Variants in ARMCX4 observed in about 807,000 individuals in gnomAD.
ARMCX4 encodes the protein armadillo repeat containing X-linked 4.
Under a neutral mutation model 34.7 loss-of-function variants are expected in ARMCX4, and 3 were observed. The observed-to-expected ratio is 0.09, with a 90% CI of 0.04 to 0.22. ARMCX4 has a LOEUF of 0.22. ARMCX4 is among the 10% of genes least tolerant of loss of function. The probability of loss-of-function intolerance (pLI) is 1.00; values close to 1 mark genes in which losing one functional copy is unlikely to be tolerated. For synonymous variants in ARMCX4, 513 were observed against 632.8 expected (o/e 0.81, Z 2.84); for missense variants, 1,448 against 1,720.8 (o/e 0.84, Z 2.81).
Position 101,489,240 on chromosome X carries a change from G to A in ARMCX4, c.651G>A (p.Arg217=), listed in dbSNP as rs201467260. ...VTQSETLAVP[R]EVAKMGATNK... ...AGAGTGAGACCTTGGCAGTACCCAGGGAAGTGGCCAAGATGGGGGCCACGA... is the reference window on the plus strand; with the variant it reads ...AGAGTGAGACCTTGGCAGTACCCAGAGAAGTGGCCAAGATGGGGGCCACGA... Residue 217 remains arginine (R), a synonymous_variant, in exon 6 of 6, where the codon AGG becomes AGA. Coordinates refer to ENST00000423738, the MANE Select transcript of ARMCX4 (RefSeq NM_001256155.3). The A allele has an allele frequency of 6.4e-4, 738 of 1,153,859 alleles. 1 individual carries two copies. The highest frequency in any genetic ancestry group is 8.1e-4 in the Non-Finnish European group (705 of 872,258).
chrX:101,494,194 G>A lies in ARMCX4; in HGVS notation c.5605G>A (p.Glu1869Lys), dbSNP rs1556011108. The change falls in exon 6 of 6, where the codon GAA (glutamate) becomes AAA (lysine). Residue 1869 changes from glutamate (E) to lysine (K), a missense_variant. Physicochemically the swap from Glu to Lys is moderately conservative, Grantham distance 56. Coordinates refer to ENST00000423738, the MANE Select transcript of ARMCX4 (RefSeq NM_001256155.3). ...TGTAGAGTCTAGGCTTGGGGCTGGG[G>A]AAGAGGCTGGTGTAGAGTCCTGGAC... ...TTVESRLGAG[E>K]EAGVESWTLA... The A allele has an allele frequency of 1.7e-6, 2 of 1,148,750 alleles. No individual in the cohort carries two copies. The highest frequency in any genetic ancestry group is 1.9e-5 in the South Asian group (1 of 51,412). The allele number at this position is 1,148,750 out of a possible 1,213,427, so 94.7% of individuals were successfully genotyped here. A position where few individuals can be genotyped will look rare whatever the true frequency, so the allele number is the denominator to read the frequency against.
At chrX:101,435,819 T>A (rs781973107) in intron 2 of ARMCX4, among the ~76,000 whole-genome samples, 1,625 of 110,632 alleles carry the variant, frequency 0.015, 30 homozygotes, top group African/African-American at 0.05. Context: ...TTAATTTTTG[T>A]GTAAGGTGTA....
chrX:101,497,826 G>A (rs979655105), downstream of ARMCX4, among the ~76,000 whole-genome samples: 2 of 111,672 alleles, frequency 1.8e-5, no homozygotes, highest in African/African-American at 6.5e-5. Context: ...ACTAGCATTC[G>A]ATGGCCACCA....
At chrX:101,439,792 G>A (rs1404102573) in intron 2 of ARMCX4, among the ~76,000 whole-genome samples, 3 of 108,345 alleles carry the variant, frequency 2.8e-5, no homozygotes, top group Non-Finnish European at 5.8e-5. Context: ...TTGTGCATTC[G>A]TCATGTAGTT....
At position 101,495,437 on chromosome X, in the gene ARMCX4, T is replaced by C. The variant is rs1464965073; in HGVS notation, c.6848T>C (p.Val2283Ala). The C allele has an allele frequency of 9.0e-7, 1 of 1,113,602 alleles. No individual in the cohort carries two copies. Among genetic ancestry groups the C allele is most frequent in the Non-Finnish European group, 1.2e-6 (1 of 853,567 alleles). The allele number at this position is 1,113,602 out of a possible 1,213,427, so 91.8% of individuals were successfully genotyped here. Residue 2283 changes from valine (V) to alanine (A), a missense_variant, in exon 6 of 6, where the codon GTT becomes GCT. This residue lies in a region of ARMCX4 where 105 missense variants were observed against 180.2 expected (regional missense o/e 0.58). Coordinates refer to ENST00000423738, the MANE Select transcript of ARMCX4 (RefSeq NM_001256155.3). ...ECNDPEVKER[V>A]ELLISKL ...AATGACCCTGAGGTGAAAGAGAGAG[T>C]TGAGCTATTAATAAGTAAACTCTGA...
intron 4 of ARMCX4, among the ~76,000 whole-genome samples, chrX:101,462,557 T>C (rs1265909326): frequency 9.4e-6 from 1 of 106,853 alleles, no homozygotes; most frequent in East Asian, 2.9e-4. Context: ...GGAGAATCAT[T>C]TGAACCAGGG....
At chrX:101,436,604 A>G (rs1930792778) in intron 2 of ARMCX4, among the ~76,000 whole-genome samples, 1 of 111,416 alleles carries the variant, frequency 9.0e-6, no homozygotes, top group African/African-American at 3.3e-5. Context: ...GGACAATTTG[A>G]CTTCCTCTTT....
rs143534706 is a variant in ARMCX4, at chrX:101,492,268, G to A, written c.3679G>A (p.Ala1227Thr). 8.2e-3 allele frequency: 9,329 copies of A among 1,137,442 alleles called. 33 individuals are homozygous for A. Among genetic ancestry groups the A allele is most frequent in the Non-Finnish European group, 9.9e-3 (8,517 of 864,578 alleles). 93.7% of individuals were successfully genotyped at this position (1,137,442 alleles called of 1,213,427 possible). ...GGCCAGTGGGGGGTCTTGGGCTCTC[G>A]CTGGGAATCAGGCCATTGGAGAGCT... ...NQASGGSWAL[A>T]GNQAIGELWA... Residue 1227 changes from alanine to threonine, a missense_variant, in exon 6 of 6, where the codon GCT (alanine) becomes ACT (threonine). Coordinates refer to ENST00000423738, the MANE Select transcript of ARMCX4 (RefSeq NM_001256155.3).
At chrX:101,437,291 G>A (rs1930861680) in intron 2 of ARMCX4, among the ~76,000 whole-genome samples, 2 of 111,402 alleles carry the variant, frequency 1.8e-5, no homozygotes, top group African/African-American at 6.5e-5. Flanking sequence ...TTTTTTGGTT[G>A]GTAAGCTATT....
downstream of ARMCX4, among the ~76,000 whole-genome samples, chrX:101,450,018 G>T (rs1299437225): frequency 8.9e-6 from 1 of 111,889 alleles, no homozygotes; most frequent in Non-Finnish European, 1.9e-5. Context: ...GGATTACCCG[G>T]AAGAGACTCT....
intron 11 of ARMCX4, among the ~76,000 whole-genome samples, chrX:101,521,063 C>T (rs1046248200): frequency 9.2e-5 from 10 of 108,470 alleles, no homozygotes; most frequent in Admixed American, 9.0e-4. Flanking sequence ...TCCCGAGTAG[C>T]TGGGATTACA....
At chrX:101,479,830 T>A (rs1380809121) in intron 4 of ARMCX4, among the ~76,000 whole-genome samples, 3 of 110,349 alleles carry the variant, frequency 2.7e-5, no homozygotes, top group South Asian at 3.9e-4. Flanking sequence ...CAAGATTTTT[T>A]AAAAATGAAA....
At position 101,493,668 on chromosome X, in the gene ARMCX4, C is replaced by T. The variant is rs1934067779; in HGVS notation, c.5079C>T (p.Ala1693=). 1 of 1,152,437 alleles carries T rather than the reference C, an allele frequency of 8.7e-7. No individual in the cohort carries two copies. The highest frequency in any genetic ancestry group is 1.8e-5 in the African/African-American group (1 of 55,324). 95.0% of individuals were successfully genotyped at this position (1,152,437 alleles called of 1,213,427 possible). ...SWAGSRPGNE[A]IGGSRMGSED... ...CTGGATCTAGGCCTGGGAATGAGGC[C>T]ATTGGAGGATCTAGGATGGGATCTG... is the stretch of plus-strand genomic sequence containing the variant. Residue 1693 remains alanine (A), a synonymous_variant, in exon 6 of 6, where the codon GCC becomes GCT. Transcript: ENST00000423738.
At chrX:101,521,284 A>G (rs781930189) in intron 11 of ARMCX4, among the ~76,000 whole-genome samples, 1 of 111,447 alleles carries the variant, frequency 9.0e-6, no homozygotes, top group Admixed American at 9.6e-5. Context: ...TTCTTTAGTC[A>G]GTTTTGGTAA....
At chrX:101,445,627 A>G (rs1260339283) in intron 3 of ARMCX4, among the ~76,000 whole-genome samples, 1 of 112,329 alleles carries the variant, frequency 8.9e-6, no homozygotes, top group Non-Finnish European at 1.9e-5. Context: ...GTTAAATTAC[A>G]AAATGAATAT....
intron 11 of ARMCX4, among the ~76,000 whole-genome samples, chrX:101,525,319 C>T (rs1007431553): frequency 9.9e-5 from 11 of 111,500 alleles, no homozygotes; most frequent in Non-Finnish European, 7.5e-5. Context: ...TGTAGGTCAC[C>T]GTCATCAAAG....
chrX:101,489,614 G>GC lies in ARMCX4; in HGVS notation c.1025_1026insC (p.Asn343Ter). 8.7e-7 allele frequency: 1 copy of GC among 1,154,722 alleles called. No individual in the cohort carries two copies. The highest frequency in any genetic ancestry group is 1.1e-6 in the Non-Finnish European group (1 of 872,318). The stretch of plus-strand genomic sequence containing the variant: ...CCTGGGGCAAAGATTGATGCCGGGG[G>GC]TAACACCAATGCCATGTGTAAGGTG... On this transcript the variant is annotated frameshift_variant, in exon 6 of 6. Coordinates refer to ENST00000423738, the MANE Select transcript of ARMCX4 (RefSeq NM_001256155.3). LOFTEE classifies it low-confidence loss of function (END_TRUNC).
At position 101,492,893 on chromosome X, in the gene ARMCX4, G is replaced by A; in HGVS notation, c.4304G>A (p.Gly1435Glu). 8.7e-7 allele frequency: 1 copy of A among 1,155,313 alleles called. No homozygotes were observed. Among genetic ancestry groups the A allele is most frequent in the East Asian group, 3.3e-5 (1 of 30,707 alleles). Residue 1435 changes from glycine (G) to glutamate (E), a missense_variant, in exon 6 of 6, where the codon GGA (glycine) becomes GAA (glutamate). By Grantham distance (98) the Gly-to-Glu change is moderately conservative. This residue lies in a region of ARMCX4 where 1,343 missense variants were observed against 1,540.7 expected (regional missense o/e 0.87). Transcript: ENST00000423738. ...GCTAACTCTGGGGACCAAATCAGTG[G>A]AGGATTCTTAGTTGGGATTGTGGAC... ...SWANSGDQIS[G>E]GFLVGIVDQA... is the part of the protein sequence containing the mutation.
At chrX:101,480,532 G>T (rs1453898928), upstream of ARMCX4, among the ~76,000 whole-genome samples, 1 of 111,711 alleles carries the variant, frequency 9.0e-6, no homozygotes, top group African/African-American at 3.3e-5. Context: ...CGCCACTGCA[G>T]TCCAGCCTGG....
Sources: gnomAD v4.1 joint callset for allele counts (sites outside exome capture counted in the v4.1 genomes callset) on GRCh38, gnomAD v4.1.1 for gene constraint, gnomAD v4.1.1 regional missense constraint, MANE v1.5 for transcripts, NCBI Gene and HGNC (gene_info 2026-07-23, HGNC 2026-07-21) for gene names.